The following CRPPA variants were observed in gnomAD, a reference collection of about 807,000 sequenced individuals.
CRPPA encodes the protein D-ribitol-5-phosphate cytidylyltransferase.
Under a neutral mutation model 52.0 loss-of-function variants are expected in CRPPA, and 43 were observed. That is an observed-to-expected ratio of 0.83 (90% confidence interval 0.65 to 1.07). CRPPA has a LOEUF of 1.07. CRPPA is among the 50% of genes least tolerant of loss of function. The pLI is 0.00. For missense variants in CRPPA, 629 were observed against 551.7 expected (o/e 1.14, Z -1.40); for synonymous variants, 250 against 203.5 (o/e 1.23, Z -1.94).
In CRPPA at chr7:16,115,796, C is replaced by G. The variant is rs1460707333; in HGVS notation, c.1252-23997G>C. 2.0e-5 allele frequency among the ~76,000 whole-genome samples: 3 copies of G among 151,664 alleles called. No homozygotes were observed. The East Asian group carries it at 5.8e-4, about 29-fold the overall frequency. On this transcript the variant is annotated intron_variant, in intron 9 of 9. Transcript: ENST00000407010. ...TTCACCACATGTGGGAAAACTGGAGCAACAAAATCATGAGAGTATGGAACA... is the reference window on the plus strand; with the variant it reads ...TTCACCACATGTGGGAAAACTGGAGGAACAAAATCATGAGAGTATGGAACA...
In CRPPA at chr7:16,278,223, C is replaced by T; in HGVS notation, c.839G>A (p.Arg280Lys). 6.6e-7 allele frequency: 1 copy of T among 1,512,540 alleles called. No homozygotes were observed. Among genetic ancestry groups the T allele is most frequent in the Middle Eastern group, 1.8e-4 (1 of 5,592 alleles). The allele number at this position is 1,512,540 out of a possible 1,614,324, so 93.7% of individuals were successfully genotyped here. ...AACTACACAAATCTCTTGGGAAATT[C>T]TCTCTGAAATTAAAAAAAAAAAGTT... ...LYAAESIIKE[R>K]ISQEICVVMD... The change falls in exon 6 of 10, where the codon AGA (arginine) becomes AAA (lysine). Residue 280 changes from arginine (R) to lysine (K), a missense_variant. Coordinates refer to ENST00000407010, the MANE Select transcript of CRPPA (RefSeq NM_001101426.4).
At chr7:16,327,690 C>T (rs1446305505) in intron 3 of CRPPA, among the ~76,000 whole-genome samples, 1 of 150,788 alleles carries the variant, frequency 6.6e-6, no homozygotes. Context: ...TAAGATATTC[C>T]TACATTCATA....
Position 16,209,273 on chromosome 7 carries a change from C to CTTTTTTTTTTTTTTTTTT in CRPPA, c.1251+6792_1251+6793insAAAAAAAAAAAAAAAAAA, listed in dbSNP as rs34795937. The stretch of plus-strand genomic sequence containing the variant: ...GGCCAAGTAATACGGTTCTAAGTGT[C>CTTTTTTTTTTTTTTTTTT]TTTTTTTTTTTTTTTTTGAGACGAG... On this transcript the variant is annotated intron_variant, in intron 9 of 9. Coordinates refer to ENST00000407010, the MANE Select transcript of CRPPA (RefSeq NM_001101426.4). 1.3e-3 allele frequency: 164 copies of CTTTTTTTTTTTTTTTTTT among 123,078 alleles called. 15 individuals carry two copies. Among genetic ancestry groups the CTTTTTTTTTTTTTTTTTT allele is most frequent in the Non-Finnish European group, 2.1e-3 (120 of 55,870 alleles). The allele number at this position is 123,078 out of a possible 1,614,324, so 7.6% of individuals were successfully genotyped here. A position where few individuals can be genotyped will look rare whatever the true frequency, so the allele number is the denominator to read the frequency against.
At chr7:16,163,623 C>T (rs1304345849) in intron 9 of CRPPA, among the ~76,000 whole-genome samples, 3 of 152,134 alleles carry the variant, frequency 2.0e-5, no homozygotes, top group Admixed American at 2.0e-4. Flanking sequence ...ATGGTCTTTA[C>T]ATTTTGGTTT....
At chr7:16,129,216 T>C (rs556052224) in intron 9 of CRPPA, among the ~76,000 whole-genome samples, 79 of 152,266 alleles carry the variant, frequency 5.2e-4, no homozygotes, top group Non-Finnish European at 9.6e-4. Context: ...TCATGTATGT[T>C]GCCTCCTCTC....
chr7:16,258,081 T>C (rs1176945170), intron 8 of CRPPA, among the ~76,000 whole-genome samples: 1 of 152,066 alleles, frequency 6.6e-6, no homozygotes, highest in Non-Finnish European at 1.5e-5. Flanking sequence ...AATAAAGCTG[T>C]TTTACATATC....
chr7:16,281,363 T>C (rs1201262228), intron 5 of CRPPA, among the ~76,000 whole-genome samples: 1 of 152,170 alleles, frequency 6.6e-6, no homozygotes, highest in African/African-American at 2.4e-5. Context: ...AAATACATTT[T>C]GATACAGACC....
At position 16,258,965 on chromosome 7, in the gene CRPPA, A is replaced by T. The variant is rs781782597; in HGVS notation, c.981T>A (p.Leu327=). The T allele has an allele frequency of 5.0e-6, 8 of 1,611,416 alleles. No individual in the cohort carries two copies. Among genetic ancestry groups the T allele is most frequent in the Non-Finnish European group, 5.1e-6 (6 of 1,178,472 alleles). Reference sequence around the variant, plus strand: ...AGCATTGATCTAAGATGATTTGCTGAAGATGTCTGCCAGCATGACCCAGAG... The same window carrying T: ...AGCATTGATCTAAGATGATTTGCTGTAGATGTCTGCCAGCATGACCCAGAG... The part of the protein sequence containing the change: ...SEALGHAGRH[L]QQIILDQCYN... The change falls in exon 7 of 10, where the codon CTT becomes CTA. Residue 327 remains leucine (L), a synonymous_variant. Transcript: ENST00000407010.
At position 16,237,056 on chromosome 7, in the gene CRPPA, A is replaced by G. The variant is rs1008954165; in HGVS notation, c.1120-20859T>C. Reference sequence around the variant, plus strand: ...TCATCTGCCTATTCAACCTTAAAAAACAAACCACAAAGTTCCCTCTCTAAT... The same window carrying G: ...TCATCTGCCTATTCAACCTTAAAAAGCAAACCACAAAGTTCCCTCTCTAAT... On this transcript the variant is annotated intron_variant, in intron 8 of 9. Transcript: ENST00000407010. 2.0e-5 allele frequency among the ~76,000 whole-genome samples: 3 copies of G among 152,146 alleles called. No individual in the cohort carries two copies. The South Asian group carries it at 6.2e-4, about 32-fold the overall frequency.
intron 9 of CRPPA, among the ~76,000 whole-genome samples, chr7:16,119,781 T>A (rs1380111235): frequency 6.6e-6 from 1 of 152,222 alleles, no homozygotes; most frequent in Non-Finnish European, 1.5e-5. Context: ...AGGCCGGTTT[T>A]GGATGTTAGG....
intron 3 of CRPPA, among the ~76,000 whole-genome samples, chr7:16,369,961 C>G (rs1007056695): frequency 3.9e-5 from 6 of 152,180 alleles, no homozygotes; most frequent in Admixed American, 6.5e-5. Flanking sequence ...AAATCCAAAC[C>G]ACAGCAGAAG....
intron 8 of CRPPA, among the ~76,000 whole-genome samples, chr7:16,237,861 G>T (rs1371860605): frequency 6.6e-6 from 1 of 152,096 alleles, no homozygotes; most frequent in Non-Finnish European, 1.5e-5. Context: ...GTGCTTCTTT[G>T]TCCATATAGA....
intron 8 of CRPPA, among the ~76,000 whole-genome samples, chr7:16,254,121 C>A (rs1783542815): frequency 6.6e-6 from 1 of 152,122 alleles, no homozygotes; most frequent in South Asian, 2.1e-4. Flanking sequence ...GAAATAGGAA[C>A]ACTTTTACAC....
At chr7:16,140,719 T>C (rs1432461698) in intron 9 of CRPPA, among the ~76,000 whole-genome samples, 1 of 152,204 alleles carries the variant, frequency 6.6e-6, no homozygotes, top group Non-Finnish European at 1.5e-5. Flanking sequence ...GCAGTTTCAA[T>C]GGGTATCAAA....
Position 16,406,079 on chromosome 7 carries a change from T to C in CRPPA, c.516A>G (p.Thr172=), listed in dbSNP as rs1456835222. The change falls in exon 2 of 10, where the codon ACA becomes ACG. Residue 172 remains threonine, a synonymous_variant. Coordinates refer to ENST00000407010, the MANE Select transcript of CRPPA (RefSeq NM_001101426.4). ...VEEGVLLKVV[T]AAKEHGAAGA... Reference sequence around the variant, plus strand: ...GACTTACCCCGTGTTCCTTAGCAGCTGTGACAACTTTAAGAAGGACACCTT... The same window carrying C: ...GACTTACCCCGTGTTCCTTAGCAGCCGTGACAACTTTAAGAAGGACACCTT... 1 of 1,613,616 alleles carries C rather than the reference T, an allele frequency of 6.2e-7. No homozygotes were observed. Among genetic ancestry groups the C allele is most frequent in the South Asian group, 1.1e-5 (1 of 91,028 alleles).
At chr7:16,253,491 C>A (rs1783518404) in intron 8 of CRPPA, among the ~76,000 whole-genome samples, 1 of 152,112 alleles carries the variant, frequency 6.6e-6, no homozygotes, top group Admixed American at 6.6e-5. Flanking sequence ...GATTTCTGTT[C>A]TTTTACATTT....
intron 3 of CRPPA, among the ~76,000 whole-genome samples, chr7:16,326,875 G>A (rs1487930436): frequency 1.5e-5 from 2 of 134,414 alleles, no homozygotes; most frequent in South Asian, 2.8e-4. Flanking sequence ...GAGCAATTTT[G>A]TCAAGAGCCT....
Position 16,137,514 on chromosome 7 carries a change from T to A in CRPPA, c.1252-45715A>T, listed in dbSNP as rs73681739. ...AAATGGGCTCATGTATTAACTTTTT[T>A]AAAAATGATAATAGCAACAAAGGCA... On this transcript the variant is annotated intron_variant, in intron 9 of 9. Transcript: ENST00000407010. 3.3e-3 allele frequency among the ~76,000 whole-genome samples: 498 copies of A among 152,274 alleles called. 2 individuals are homozygous for A. Among genetic ancestry groups the A allele is most frequent in the African/African-American group, 0.011 (464 of 41,560 alleles).
intron 3 of CRPPA, among the ~76,000 whole-genome samples, chr7:16,318,989 CT>C (rs2128426924): frequency 6.6e-6 from 1 of 152,298 alleles, no homozygotes; most frequent in South Asian, 2.1e-4. Context: ...CCACAGAAGA[CT>C]TTTGTCCTTC....
Sources: gnomAD v4.1 joint callset for allele counts (sites outside exome capture counted in the v4.1 genomes callset) on GRCh38, gnomAD v4.1.1 for gene constraint, MANE v1.5 for transcripts, NCBI Gene and HGNC (gene_info 2026-07-23, HGNC 2026-07-21) for gene names.